Variants in CFAP70 observed in about 807,000 individuals in gnomAD.
CFAP70 encodes cilia and flagella associated protein 70.
A neutral mutation model predicts 137.6 loss-of-function variants in CFAP70; 81 were observed. The ratio of observed to expected loss-of-function variants is 0.59; its 90% CI spans 0.49 to 0.71. The LOEUF (loss-of-function observed/expected upper bound fraction) is 0.71. Among genes scored for constraint, CFAP70 ranks in the 30% least tolerant of loss-of-function variants. CFAP70 has a pLI of 0.00. For synonymous variants in CFAP70, 382 were observed against 423.6 expected (o/e 0.90, Z 1.20); for missense variants, 976 against 1,226.7 (o/e 0.80, Z 3.05).
chr10:73,267,759 GAGTTCTTATTTGC>G (rs1194350793), intron 25 of CFAP70, among the ~76,000 whole-genome samples: 2 of 152,212 alleles, frequency 1.3e-5, no homozygotes, highest in African/African-American at 4.8e-5. Context: ...CATCTATGCT[GAGTTCTTATTTGC>G]AGGCTCTGGA....
Position 73,351,069 on chromosome 10 carries a change from GTGTATATATATATATATATATATATA to G in CFAP70, c.250+2461_250+2486del, listed in dbSNP as rs1392999087. On this transcript the variant is annotated intron_variant, in intron 3 of 26. Coordinates refer to ENST00000310715, the Ensembl canonical transcript of CFAP70. The stretch of plus-strand genomic sequence containing the variant: ...TATGTGTGTGTGTGTGTGTGTGTGT[GTGTATATATATATATATATATATATA>G]TATATATATATATATATGTATGTTT... Among the ~76,000 whole-genome samples the G allele has an allele frequency of 1.2e-3, 62 of 50,560 alleles. 1 individual carries two copies. Among genetic ancestry groups the G allele is most frequent in the Middle Eastern group, 0.014 (1 of 70 alleles). The allele number at this position is 50,560 out of a possible 152,430, so 33.2% of individuals were successfully genotyped here.
At chr10:73,297,592 G>C (rs1481020554) in intron 14 of CFAP70, among the ~76,000 whole-genome samples, 1 of 152,120 alleles carries the variant, frequency 6.6e-6, no homozygotes, top group Admixed American at 6.5e-5. Flanking sequence ...TTACACTTTG[G>C]TACCTCAGCT....
chr10:73,296,840 G>A (rs7069398), intron 15 of CFAP70: 9,320 of 394,896 alleles, frequency 0.024, 615 homozygotes, highest in African/African-American at 0.15. Flanking sequence ...AATTGAAAGA[G>A]CATATCTCCT....
chr10:73,284,747 T>C (rs2047529523), intron 19 of CFAP70, among the ~76,000 whole-genome samples: 1 of 4,376 alleles, frequency 2.3e-4, no homozygotes, highest in Non-Finnish European at 4.6e-4. Flanking sequence ...CACATATATA[T>C]ATATATATAT....
At chr10:73,341,469 T>C in exon 6 of CFAP70, 1 of 1,614,230 alleles carries the variant, frequency 6.2e-7, no homozygotes, top group Non-Finnish European at 8.5e-7. Flanking sequence ...AGGAATGTTA[T>C]TAGCTCCTGG....
intron 23 of CFAP70, 119 bp downstream of exon 24, chr10:73,274,314 T>C: frequency 8.4e-7 from 1 of 1,185,390 alleles, no homozygotes; most frequent in South Asian, 1.7e-5. Flanking sequence ...TCACTTTACC[T>C]TTGGATGTAA....
chr10:73,269,499 A>G (rs571602424), intron 25 of CFAP70, 115 bp downstream of exon 26: 1 of 679,206 alleles, frequency 1.5e-6, no homozygotes, highest in Admixed American at 2.2e-5. Context: ...GATTACACCT[A>G]GAGCTTATCA....
At chr10:73,303,702 A>G (rs2049141738) in intron 12 of CFAP70, among the ~76,000 whole-genome samples, 1 of 152,208 alleles carries the variant, frequency 6.6e-6, no homozygotes, top group South Asian at 2.1e-4. Flanking sequence ...TATGTACTAT[A>G]AGTGGATAAA....
chr10:73,256,537 G>C, intron 25 of CFAP70, 121 bp from the exon 27 acceptor site: 1 of 919,024 alleles, frequency 1.1e-6, no homozygotes, highest in Non-Finnish European at 1.7e-6. Context: ...ACACCTTCCA[G>C]TTAAGAACTT....
chr10:73,278,092 C>T, intron 20 of CFAP70, 87 bp downstream of exon 21: 1 of 1,354,742 alleles, frequency 7.4e-7, no homozygotes, highest in Non-Finnish European at 1.0e-6. Flanking sequence ...TCAAACAAGT[C>T]AGGATTGCCA....
intron 1 of CFAP70, 34 bp from the exon 2 acceptor site, chr10:73,354,869 G>T: frequency 7.8e-7 from 1 of 1,277,652 alleles, no homozygotes. Flanking sequence ...GTCCCCTCAT[G>T]TACCACAGCT....
intron 16 of CFAP70, among the ~76,000 whole-genome samples, chr10:73,292,626 G>GT (rs1350152216): frequency 2.0e-5 from 3 of 152,128 alleles, no homozygotes; most frequent in Non-Finnish European, 4.4e-5. Context: ...AATTTCATTT[G>GT]TAAGTATATA....
chr10:73,291,707 T>C, exon 18 of CFAP70: 1 of 1,614,172 alleles, frequency 6.2e-7, no homozygotes, highest in South Asian at 1.1e-5. Context: ...AAATTTCTGC[T>C]TGCTCATAGT....
chr10:73,338,244 G>A (rs904061563), intron 6 of CFAP70, among the ~76,000 whole-genome samples: 7 of 147,710 alleles, frequency 4.7e-5, no homozygotes, highest in South Asian at 2.2e-4. Context: ...TCCGTGTCCC[G>A]GGTTCAAGCG....
exon 3 of CFAP70, chr10:73,353,692 A>G: frequency 6.2e-7 from 1 of 1,614,194 alleles, no homozygotes; most frequent in Non-Finnish European, 8.5e-7. Context: ...GAACCACTTG[A>G]TTGAATTCTG....
intron 19 of CFAP70, among the ~76,000 whole-genome samples, chr10:73,286,773 T>C (rs1406818380): frequency 6.6e-6 from 1 of 152,168 alleles, no homozygotes; most frequent in African/African-American, 2.4e-5. Flanking sequence ...AAACAGAGTA[T>C]TACCCACATA....
chr10:73,336,978 CA>C (rs1244925651), intron 6 of CFAP70, among the ~76,000 whole-genome samples: 80 of 151,916 alleles, frequency 5.3e-4, no homozygotes, highest in African/African-American at 1.8e-3. Flanking sequence ...ACAGCAAGTA[CA>C]AATAAAGAAA....
chr10:73,357,951 G>A (rs551485476), intron 1 of CFAP70, among the ~76,000 whole-genome samples: 3 of 152,226 alleles, frequency 2.0e-5, no homozygotes, highest in Non-Finnish European at 4.4e-5. Flanking sequence ...TGTTTATGAA[G>A]ACTGGGTATT....
At chr10:73,278,999 A>AG (rs1449838376) in intron 19 of CFAP70, 8 of 149,768 alleles carry the variant, frequency 5.3e-5, no homozygotes, top group Non-Finnish European at 8.9e-5. Flanking sequence ...AAAAAAAAAA[A>AG]TAGGAGTGAA....
Sources: gnomAD v4.1 joint callset for allele counts (sites outside exome capture counted in the v4.1 genomes callset) on GRCh38, gnomAD v4.1.1 for gene constraint, MANE v1.5 for transcripts, NCBI Gene and HGNC (gene_info 2026-07-23, HGNC 2026-07-21) for gene names.